NECAP2: variants seen among roughly 807,000 people sequenced by gnomAD.
NECAP2 encodes the protein adaptin ear-binding coat-associated protein 2.
NECAP2 carries 38 observed loss-of-function variants against 37.8 expected under a neutral mutation model. The ratio of observed to expected loss-of-function variants is 1.01; its 90% confidence interval spans 0.78 to 1.32. NECAP2 has a LOEUF of 1.32. NECAP2 is among the 40% of genes most tolerant of loss of function. The pLI, the probability that NECAP2 is intolerant of heterozygous loss-of-function variation, is 0.00. For synonymous variants in NECAP2, 121 were observed against 127.7 expected, an observed-to-expected ratio of 0.95 and a Z score of 0.35; for missense variants, 316 against 334.5, an observed-to-expected ratio of 0.94 and a Z score of 0.43.
At chr1:16,455,746 A>G (rs751000593) in intron 6 of NECAP2, 72 bp from the exon 7 acceptor site, 1 of 1,262,562 alleles carries the variant, frequency 7.9e-7, no homozygotes, top group East Asian at 2.3e-5. Flanking sequence ...GGTCATTGAA[A>G]CAACCAGAAA....
In NECAP2 at chr1:16,449,119, C is replaced by T. The variant is rs961829888; in HGVS notation, c.407C>T (p.Ala136Val). The change falls in exon 5 of 8, where the codon GCA becomes GTA. Residue 136 changes from alanine (A) to valine (V), a missense_variant. By Grantham distance (64) the Ala-to-Val change is moderately conservative (BLOSUM62 0). Around this residue, in one of 3 missense-constraint regions of NECAP2, gnomAD observed 204 missense variants for 188.6 expected, o/e 1.08. Transcript: ENST00000337132. Reference protein sequence around the residue: ...FKWVKQQCEFAKQAQNPDQGP... With the variant: ...FKWVKQQCEFVKQAQNPDQGP... Reference sequence around the variant, plus strand: ...TGGGTGAAACAGCAGTGTGAATTTGCAAAACAAGCCCAGAACCCAGACCAA... The same window carrying T: ...TGGGTGAAACAGCAGTGTGAATTTGTAAAACAAGCCCAGAACCCAGACCAA... 5.0e-6 allele frequency: 8 copies of T among 1,613,034 alleles called. No individual in the cohort carries two copies. The highest frequency in any genetic ancestry group is 4.5e-5 in the East Asian group (2 of 44,890).
intron 1 of NECAP2, chr1:16,441,340 T>G (rs1284115682): frequency 1.3e-5 from 2 of 157,202 alleles, no homozygotes; most frequent in African/African-American, 4.8e-5. Flanking sequence ...CCCAGATCCC[T>G]TCGCACGAAT....
At chr1:16,447,806 TG>T in intron 2 of NECAP2, 63 bp from the exon 3 acceptor site, 1 of 1,341,750 alleles carries the variant, frequency 7.5e-7, no homozygotes, top group Non-Finnish European at 1.1e-6. Context: ...CCCAGTAGTG[TG>T]GTAGAAAACC....
intron 4 of NECAP2, 117 bp from the exon 5 acceptor site, chr1:16,448,964 TCTTTCCAGCACC>T (rs1316448500): frequency 3.2e-5 from 20 of 633,026 alleles, no homozygotes; most frequent in Non-Finnish European, 5.1e-5. Context: ...AAGCCTGCAC[TCTTTCCAGCACC>T]CCGTCTCACT....
At chr1:16,453,661 G>A (rs1046613209) in intron 6 of NECAP2, among the ~76,000 whole-genome samples, 1 of 151,814 alleles carries the variant, frequency 6.6e-6, no homozygotes, top group Non-Finnish European at 1.5e-5. Flanking sequence ...GCTAAGTTTT[G>A]TATTTTTAGT....
At chr1:16,457,697 T>C (rs1051548382) in intron 7 of NECAP2, among the ~76,000 whole-genome samples, 3 of 150,786 alleles carry the variant, frequency 2.0e-5, no homozygotes, top group Admixed American at 6.6e-5. Context: ...TTACAAAATA[T>C]AGTAATTCTG....
intron 7 of NECAP2, 88 bp downstream of exon 7, chr1:16,455,981 G>T: frequency 3.3e-6 from 3 of 908,072 alleles, no homozygotes; most frequent in Non-Finnish European, 3.6e-6. Flanking sequence ...GCCTTCTGGT[G>T]TTAGGATTAG....
intron 1 of NECAP2, 23 bp from the exon 2 acceptor site, chr1:16,443,609 T>C: frequency 6.3e-7 from 1 of 1,577,306 alleles, no homozygotes; most frequent in Non-Finnish European, 8.7e-7. Context: ...CTGGCAGAGA[T>C]TCAGTGGTGT....
At chr1:16,455,772 T>G (rs755269530) in intron 6 of NECAP2, 46 bp from the exon 7 acceptor site, 2 of 1,489,342 alleles carry the variant, frequency 1.3e-6, no homozygotes, top group Non-Finnish European at 1.9e-6. Context: ...CTGACTTCTC[T>G]GTCCCCTCTT....
rs977980385 is a variant in NECAP2, at chr1:16,459,099, A to C, written c.*209A>C. The C allele has an allele frequency of 8.8e-7, 1 of 1,132,474 alleles. No individual in the cohort carries two copies. The highest frequency in any genetic ancestry group is 1.6e-5 in the African/African-American group (1 of 63,338). 70.2% of individuals were successfully genotyped at this position (1,132,474 alleles called of 1,614,324 possible). ...TTTCCTGGGATTCAAGTATGCAACC[A>C]GAACACAGGAGAAGAAAAGCTCCAG... On this transcript the variant is annotated 3_prime_UTR_variant, in exon 8 of 8. Coordinates refer to ENST00000337132, the MANE Select transcript of NECAP2 (RefSeq NM_018090.5).
chr1:16,448,148 G>C lies in NECAP2; in HGVS notation c.380+7G>C, dbSNP rs773572652. On this transcript the variant is annotated splice_region_variant and intron_variant, in intron 4 of 7. Transcript: ENST00000337132. Reference sequence around the variant, plus strand: ...CATTGCAGGACCATTTCAAGTGAGTGGGTCTGGGAGACACACGCTCATGCC... The same window carrying C: ...CATTGCAGGACCATTTCAAGTGAGTCGGTCTGGGAGACACACGCTCATGCC... The C allele has an allele frequency of 6.2e-7, 1 of 1,612,896 alleles. No individual in the cohort carries two copies. Among genetic ancestry groups the C allele is most frequent in the East Asian group, 2.2e-5 (1 of 44,876 alleles).
At position 16,448,010 on chromosome 1, in the gene NECAP2, A is replaced by G. The variant is rs114161576; in HGVS notation, c.298+36A>G. The stretch of plus-strand genomic sequence containing the variant: ...GTCCTGGTGCTTCCTCCTCTTGGGA[A>G]AGGTTTTCTCTGCCTTTGGAAGGTG... On this transcript the variant is annotated intron_variant, in intron 3 of 7. Transcript: ENST00000337132. 5.4e-4 allele frequency: 868 copies of G among 1,613,928 alleles called. 4 individuals carry two copies. In the African/African-American group the frequency reaches 0.011, roughly 20 times the overall value.
rs776233410 is a variant in NECAP2 at position 16,451,955 on chromosome 1, C to T, written c.607C>T (p.Pro203Ser). 7 of 1,612,556 alleles carry T rather than the reference C, an allele frequency of 4.3e-6. No homozygotes were observed. Among genetic ancestry groups the T allele is most frequent in the Middle Eastern group, 1.7e-4 (1 of 6,034 alleles). The change falls in exon 6 of 8, where the codon CCT (proline) becomes TCT (serine). Residue 203 changes from proline to serine, a missense_variant. Pro to Ser is a moderately conservative substitution (Grantham distance 74, BLOSUM62 -1). Around this residue, in one of 3 missense-constraint regions of NECAP2, gnomAD observed 204 missense variants for 188.6 expected, o/e 1.08. Transcript: ENST00000337132. ...GAAAACCTCCACCCTGATCCCTCCC[C>T]CTGGGGAGCAGTTGGCTGTGGGGGG... Reference protein sequence around the residue: ...GGKTSTLIPPPGEQLAVGGSL... With the variant: ...GGKTSTLIPPSGEQLAVGGSL...
chr1:16,442,988 C>G (rs1442105693), intron 1 of NECAP2, among the ~76,000 whole-genome samples: 1 of 152,178 alleles, frequency 6.6e-6, no homozygotes, highest in Non-Finnish European at 1.5e-5. Context: ...TCCTAAGGAC[C>G]CATTCACTTT....
intron 2 of NECAP2, among the ~76,000 whole-genome samples, chr1:16,447,571 C>G (rs1458969728): frequency 6.6e-6 from 1 of 152,152 alleles, no homozygotes; most frequent in Non-Finnish European, 1.5e-5. Context: ...CCAACTTATT[C>G]TCAGGTGGGC....
Position 16,451,976 on chromosome 1 carries a change from G to A in NECAP2, c.628G>A (p.Gly210Arg). The change falls in exon 6 of 8, where the codon GGG (glycine) becomes AGG (arginine). Residue 210 changes from glycine (G) to arginine (R), a missense_variant. This residue lies in a region of NECAP2 where 204 missense variants were observed against 188.6 expected (regional missense o/e 1.08). Coordinates refer to ENST00000337132, the MANE Select transcript of NECAP2 (RefSeq NM_018090.5). Reference protein sequence around the residue: ...IPPPGEQLAVGGSLVQPAVAP... With the variant: ...IPPPGEQLAVRGSLVQPAVAP... ...TCCCCCTGGGGAGCAGTTGGCTGTG[G>A]GGGGATCCCTCGTCCAGCCAGCAGT... 2.5e-6 allele frequency: 4 copies of A among 1,607,992 alleles called. No individual in the cohort carries two copies. The highest frequency in any genetic ancestry group is 3.4e-6 in the Non-Finnish European group (4 of 1,176,794).
At chr1:16,447,393 T>C (rs926889822) in intron 2 of NECAP2, among the ~76,000 whole-genome samples, 3 of 152,194 alleles carry the variant, frequency 2.0e-5, no homozygotes, top group Non-Finnish European at 2.9e-5. Flanking sequence ...GTATGAAAAC[T>C]TCCTCCCTTC....
intron 5 of NECAP2, 35 bp from the exon 6 acceptor site, chr1:16,451,803 G>C (rs2086845706): frequency 1.2e-6 from 2 of 1,613,200 alleles, no homozygotes; most frequent in Admixed American, 3.3e-5. Flanking sequence ...GACTCCAGCA[G>C]AACGGGCTGA....
At position 16,458,823 on chromosome 1, in the gene NECAP2, C is replaced by T. The variant is rs779947048; in HGVS notation, c.744-19C>T. ...CAAAGATCTGAACTCCCCCACCCTT[C>T]CCTGTCTTCTCTTTACAGATCAACT... On this transcript the variant is annotated intron_variant, in intron 7 of 7. Coordinates refer to ENST00000337132, the MANE Select transcript of NECAP2 (RefSeq NM_018090.5). The T allele has an allele frequency of 4.3e-6, 7 of 1,613,184 alleles. No homozygotes were observed. Among genetic ancestry groups the T allele is most frequent in the Non-Finnish European group, 5.1e-6 (6 of 1,179,722 alleles).
Sources: gnomAD v4.1 joint callset for allele counts (sites outside exome capture counted in the v4.1 genomes callset) on GRCh38, gnomAD v4.1.1 for gene constraint, gnomAD v4.1.1 regional missense constraint, MANE v1.5 for transcripts, NCBI Gene and HGNC (gene_info 2026-07-23, HGNC 2026-07-21) for gene names.